Variants in KDM4D observed in about 807,000 individuals in gnomAD.
The protein encoded by KDM4D is lysine demethylase 4D.
For synonymous variants in KDM4D, 254 were observed against 249.1 expected, an observed-to-expected ratio of 1.02 and a Z score of -0.19; for missense variants, 427 against 674.8, an observed-to-expected ratio of 0.63 and a Z score of 4.07.
intron 2 of KDM4D, among the ~76,000 whole-genome samples, chr11:94,982,617 T>C (rs1435295987): frequency 1.3e-5 from 2 of 149,292 alleles, no homozygotes; most frequent in African/African-American, 2.5e-5. Context: ...TCCTAGAAAA[T>C]ATTATCTACG....
chr11:94,996,375 C>T (rs1037650188), intron 2 of KDM4D, among the ~76,000 whole-genome samples: 1 of 152,160 alleles, frequency 6.6e-6, no homozygotes, highest in South Asian at 2.1e-4. Context: ...CCCCTCTTTT[C>T]CCAAGGTAGC....
chr11:94,983,979 A>G (rs1857863504), intron 2 of KDM4D, among the ~76,000 whole-genome samples: 1 of 152,194 alleles, frequency 6.6e-6, no homozygotes, highest in Non-Finnish European at 1.5e-5. Context: ...ATTGTCACAT[A>G]TAAGAAAGAG....
At chr11:94,984,623 AG>A (rs1450038062) in intron 2 of KDM4D, among the ~76,000 whole-genome samples, 1 of 151,012 alleles carries the variant, frequency 6.6e-6, no homozygotes, top group East Asian at 2.0e-4. Context: ...TGGGAAGCCG[AG>A]GAGGGCAGAT....
At chr11:94,976,827 A>G (rs992222751) in intron 2 of KDM4D, among the ~76,000 whole-genome samples, 5 of 152,180 alleles carry the variant, frequency 3.3e-5, no homozygotes, top group African/African-American at 1.2e-4. Flanking sequence ...ATAAAAACCT[A>G]AGAAGAAAAT....
chr11:94,998,461 A>T lies in KDM4D; in HGVS notation c.1089A>T (p.Glu363Asp). The T allele has an allele frequency of 1.2e-6, 2 of 1,613,158 alleles. No individual in the cohort carries two copies. Among genetic ancestry groups the T allele is most frequent in the Non-Finnish European group, 1.7e-6 (2 of 1,180,000 alleles). Residue 363 changes from glutamate (E) to aspartate (D), a missense_variant, in exon 3 of 3, where the codon GAA becomes GAT. Glu to Asp is a conservative substitution (Grantham distance 45, BLOSUM62 2). Coordinates refer to ENST00000335080, the MANE Select transcript of KDM4D (RefSeq NM_018039.3). This position sits in a 1 kb window ranked among gnomAD's most constrained non-coding sequence, Gnocchi z 6.7. ...PASQELSTQK[E>D]VQLPRRAALG... ...GCCAAGAGCTGAGCACCCAGAAGGA[A>T]GTCCAGTTACCCAGGAGAGCAGCGC... is the stretch of plus-strand genomic sequence containing the variant.
intron 2 of KDM4D, among the ~76,000 whole-genome samples, chr11:94,991,938 C>T (rs1555098739): frequency 6.6e-6 from 1 of 151,938 alleles, no homozygotes; most frequent in African/African-American, 2.4e-5. Context: ...ACATAATGAA[C>T]AGGTCATCTG....
At chr11:94,988,522 G>A (rs1210441829) in intron 2 of KDM4D, among the ~76,000 whole-genome samples, 1 of 152,190 alleles carries the variant, frequency 6.6e-6, no homozygotes, top group Non-Finnish European at 1.5e-5. Flanking sequence ...GAAATATGAG[G>A]AAGTAGATTT....
In KDM4D at chr11:94,998,919, G is replaced by A. The variant is rs1224793692; in HGVS notation, c.1547G>A (p.Gly516Glu). Residue 516 changes from glycine (G) to glutamate (E), a missense_variant, in exon 3 of 3, where the codon GGG (glycine) becomes GAG (glutamate). By Grantham distance (98) the Gly-to-Glu change is moderately conservative. Transcript: ENST00000335080. The surrounding 1 kb of genome is among the most constrained non-coding windows in gnomAD (Gnocchi z 6.7). ...CTCCAGCATCCTGTCAAGGCTTCTG[G>A]GTGCAGCTGGGCCCCTGTGCCCTAA... ...PGLQHPVKAS[G>E]CSWAPVP The A allele has an allele frequency of 9.9e-6, 15 of 1,511,780 alleles. No homozygotes were observed. Among genetic ancestry groups the A allele is most frequent in the Middle Eastern group, 1.8e-4 (1 of 5,542 alleles). 93.6% of individuals were successfully genotyped at this position (1,511,780 alleles called of 1,614,324 possible). A position where few individuals can be genotyped will look rare whatever the true frequency, so the allele number is the denominator to read the frequency against.
intron 2 of KDM4D, among the ~76,000 whole-genome samples, chr11:94,991,850 T>TA (rs1333489771): frequency 6.7e-6 from 1 of 149,656 alleles, no homozygotes; most frequent in Non-Finnish European, 1.5e-5. Flanking sequence ...TTGAGATGGA[T>TA]AAAATGTAAG....
In KDM4D at chr11:94,998,689, A is replaced by G. The variant is rs1857999100; in HGVS notation, c.1317A>G (p.Pro439=). 4 of 1,614,178 alleles carry G rather than the reference A, an allele frequency of 2.5e-6. No individual in the cohort carries two copies. Among genetic ancestry groups the G allele is most frequent in the Non-Finnish European group, 3.4e-6 (4 of 1,180,030 alleles). ...CAACTCCATCATCCACCCCTGGTCC[A>G]TCTGCACAGATTATCCACCCGTCAA... ...PSSTPSSTPG[P]SAQIIHPSNG... is the part of the protein sequence containing the mutation. Residue 439 remains proline (P), a synonymous_variant, in exon 3 of 3, where the codon CCA becomes CCG. Transcript: ENST00000335080. The surrounding 1 kb of genome is among the most constrained non-coding windows in gnomAD (Gnocchi z 6.7).
At chr11:94,989,873 T>G (rs1555098468) in intron 2 of KDM4D, among the ~76,000 whole-genome samples, 2 of 151,860 alleles carry the variant, frequency 1.3e-5, no homozygotes, top group African/African-American at 4.8e-5. Context: ...GTGATTCTTC[T>G]GCCTCAGCCT....
rs1555096921 is a variant in KDM4D, at chr11:94,975,765, T to A, written c.-350+17T>A. ...AGGTGCTGAGTAAGTATTTGTTGAA[T>A]GAATGAATGAATGAATGATGCACTA... On this transcript the variant is annotated intron_variant, in intron 2 of 2. Coordinates refer to ENST00000335080, the MANE Select transcript of KDM4D (RefSeq NM_018039.3). The A allele has an allele frequency of 1.3e-5, 2 of 152,086 alleles. No individual in the cohort carries two copies. 9.4% of individuals were successfully genotyped at this position (152,086 alleles called of 1,614,324 possible).
At chr11:94,979,023 T>A (rs1212424646) in intron 2 of KDM4D, among the ~76,000 whole-genome samples, 1 of 152,188 alleles carries the variant, frequency 6.6e-6, no homozygotes, top group African/African-American at 2.4e-5. Context: ...ACAACATTGA[T>A]CTACTATATA....
At chr11:94,980,136 T>A (rs1313919819) in intron 2 of KDM4D, among the ~76,000 whole-genome samples, 1 of 152,230 alleles carries the variant, frequency 6.6e-6, no homozygotes, top group Non-Finnish European at 1.5e-5. Context: ...GCTTCTCTTT[T>A]TGGAACCACT....
chr11:94,977,145 C>A (rs1857804091), intron 2 of KDM4D, among the ~76,000 whole-genome samples: 1 of 151,964 alleles, frequency 6.6e-6, no homozygotes, highest in East Asian at 1.9e-4. Context: ...ATAGACAAGT[C>A]AATAAACATG....
Position 94,997,571 on chromosome 11 carries a change from A to G in KDM4D, c.199A>G (p.Ser67Gly), listed in dbSNP as rs1555099351. 2 of 1,613,966 alleles carry G rather than the reference A, an allele frequency of 1.2e-6. No homozygotes were observed. The highest frequency in any genetic ancestry group is 8.5e-7 in the Non-Finnish European group (1 of 1,179,974). Residue 67 changes from serine (S) to glycine (G), a missense_variant, in exon 3 of 3, where the codon AGT becomes GGT. Physicochemically the swap from Ser to Gly is moderately conservative, Grantham distance 56. Coordinates refer to ENST00000335080, the MANE Select transcript of KDM4D (RefSeq NM_018039.3). ...AGCCAGAGAGACCTATGATAATATCAGTGAAATCTTAATAGCCACTCCCCT... is the reference window on the plus strand; with the variant it reads ...AGCCAGAGAGACCTATGATAATATCGGTGAAATCTTAATAGCCACTCCCCT... Reference protein sequence around the residue: ...WKARETYDNISEILIATPLQQ... With the variant: ...WKARETYDNIGEILIATPLQQ...
chr11:94,987,468 T>C (rs1180031744), intron 2 of KDM4D, among the ~76,000 whole-genome samples: 3 of 152,082 alleles, frequency 2.0e-5, no homozygotes, highest in Non-Finnish European at 2.9e-5. Context: ...GATAAACATA[T>C]AAATGTAGAG....
At chr11:94,993,359 A>T (rs1857951542) in intron 2 of KDM4D, among the ~76,000 whole-genome samples, 1 of 152,182 alleles carries the variant, frequency 6.6e-6, no homozygotes, top group African/African-American at 2.4e-5. Flanking sequence ...ATCAAGTGAC[A>T]GTGTAATTAT....
rs1452190831 is a variant in KDM4D, at chr11:94,997,858, C to G, written c.486C>G (p.Asp162Glu). 1 of 1,614,098 alleles carries G rather than the reference C, an allele frequency of 6.2e-7. No homozygotes were observed. Among genetic ancestry groups the G allele is most frequent in the Non-Finnish European group, 8.5e-7 (1 of 1,180,050 alleles). ...TTGGGCACCTGGGAACAATTCAGGA[C>G]CTGCTGGAAAAGGAATGTGGGGTTG... ...WNLGHLGTIQ[D>E]LLEKECGVVI... The change falls in exon 3 of 3, where the codon GAC (aspartate) becomes GAG (glutamate). Residue 162 changes from aspartate to glutamate, a missense_variant. Asp to Glu is a conservative substitution (Grantham distance 45, BLOSUM62 2). Coordinates refer to ENST00000335080, the MANE Select transcript of KDM4D (RefSeq NM_018039.3).
Sources: allele counts gnomAD v4.1 joint callset (sites outside exome capture counted in the v4.1 genomes callset), GRCh38; gene constraint gnomAD v4.1.1; non-coding constraint Gnocchi (gnomAD v3.1); transcripts MANE v1.5; gene names NCBI Gene and HGNC (gene_info 2026-07-23, HGNC 2026-07-21).